Variants in CPVL observed in about 807,000 individuals in gnomAD.
CPVL encodes the protein probable serine carboxypeptidase CPVL.
In CPVL, 51 loss-of-function variants were observed where a neutral mutation model predicts 63.7. That is an observed-to-expected ratio of 0.80 (90% CI 0.64 to 1.01). The LOEUF (loss-of-function observed/expected upper bound fraction) is 1.01, where lower values mean the gene tolerates loss of function less well. CPVL is among the 50% of genes least tolerant of loss of function. CPVL has a pLI of 0.00. For missense variants in CPVL, 530 were observed against 573.1 expected (o/e 0.92, Z 0.77); for synonymous variants, 195 against 206.0 (o/e 0.95, Z 0.46).
intron 1 of CPVL, among the ~76,000 whole-genome samples, chr7:29,186,928 C>A (rs1228876070): frequency 6.6e-6 from 1 of 152,058 alleles, no homozygotes; most frequent in Admixed American, 6.6e-5. Flanking sequence ...AGTTGTTGAG[C>A]ATTTTAATTA....
Position 29,047,731 on chromosome 7 carries a change from A to G in CPVL, c.1137+16330T>C, listed in dbSNP as rs945087233. ...CACAAAAAGATCATCACCTAGTCAC[A>G]TTGTCCAATCAGGTTATCCAAAGTT... On this transcript the variant is annotated intron_variant, in intron 11 of 12. Coordinates refer to ENST00000265394, the MANE Select transcript of CPVL (RefSeq NM_031311.5). Among the ~76,000 whole-genome samples the G allele has an allele frequency of 4.6e-5, 7 of 152,206 alleles. No homozygotes were observed. The East Asian group carries it at 5.8e-4, about 13-fold the overall frequency.
chr7:29,155,266 C>T (rs141959273), intron 5 of CPVL, among the ~76,000 whole-genome samples: 2 of 152,124 alleles, frequency 1.3e-5, no homozygotes, highest in East Asian at 3.9e-4. Context: ...TCAGGGAAAA[C>T]AACTACATTT....
intron 3 of CPVL, 144 bp from the exon 4 acceptor site, chr7:29,096,361 T>C (rs1786400442): frequency 4.6e-6 from 3 of 654,942 alleles, no homozygotes; most frequent in South Asian, 3.5e-5. Flanking sequence ...CAGTAACCAC[T>C]CTCCACTATG....
rs1324702058 is a variant in CPVL, at chr7:29,071,762, C to T, written c.864+11G>A. ...ATTGCTCAAGGGCAGCACAGGGCCC[C>T]CAGAACTCACTTCAAAGGCCTCAAA... On this transcript the variant is annotated intron_variant, in intron 9 of 12. Transcript: ENST00000265394. 2 of 1,612,146 alleles carry T rather than the reference C, an allele frequency of 1.2e-6. No homozygotes were observed. Among genetic ancestry groups the T allele is most frequent in the South Asian group, 1.1e-5 (1 of 90,758 alleles).
chr7:29,052,003 CA>C (rs1562742337), intron 11 of CPVL, among the ~76,000 whole-genome samples: 1 of 151,244 alleles, frequency 6.6e-6, no homozygotes, highest in Non-Finnish European at 1.5e-5. Flanking sequence ...ACGGCATTTG[CA>C]GTGACCTGGA....
intron 3 of CPVL, among the ~76,000 whole-genome samples, chr7:29,112,011 A>G (rs1354199780): frequency 6.6e-6 from 1 of 152,258 alleles, no homozygotes; most frequent in African/African-American, 2.4e-5. Context: ...TGTCTTGTTC[A>G]TACAGAAGAA....
chr7:29,056,720 G>A (rs1790767963), intron 11 of CPVL, among the ~76,000 whole-genome samples: 1 of 152,090 alleles, frequency 6.6e-6, no homozygotes, highest in Non-Finnish European at 1.5e-5. Flanking sequence ...TGAATGGTAT[G>A]GTAAGAGTAT....
intron 1 of CPVL, chr7:29,194,783 A>G (rs1355416367): frequency 3.9e-6 from 2 of 512,870 alleles, no homozygotes; most frequent in Non-Finnish European, 6.3e-6. Context: ...CTGGTGGAGC[A>G]GGAAGTGCAG....
intron 3 of CPVL, among the ~76,000 whole-genome samples, chr7:29,103,802 T>C (rs1478410629): frequency 3.3e-5 from 5 of 152,196 alleles, no homozygotes; most frequent in Admixed American, 3.3e-4. Context: ...CTGCTTAAGA[T>C]GAGAAGTGCA....
intron 12 of CPVL, among the ~76,000 whole-genome samples, chr7:29,008,678 A>G: frequency 6.6e-6 from 1 of 152,204 alleles, no homozygotes; most frequent in East Asian, 1.9e-4. Flanking sequence ...TATGCCGAGC[A>G]CTAGGAAATG....
chr7:29,038,739 A>T (rs1788781659), intron 11 of CPVL, among the ~76,000 whole-genome samples: 1 of 152,212 alleles, frequency 6.6e-6, no homozygotes, highest in Non-Finnish European at 1.5e-5. Context: ...TACCTCTGTC[A>T]TGGGTAAAAA....
intron 11 of CPVL, among the ~76,000 whole-genome samples, chr7:29,047,808 T>C (rs1789770159): frequency 6.6e-6 from 1 of 152,122 alleles, no homozygotes; most frequent in Non-Finnish European, 1.5e-5. Context: ...CCAGGTAACC[T>C]ATAAAGGAAA....
chr7:29,182,269 C>T (rs1033846249), intron 4 of CPVL, among the ~76,000 whole-genome samples: 5 of 152,162 alleles, frequency 3.3e-5, no homozygotes, highest in African/African-American at 1.2e-4. Context: ...GGAAGGTTAG[C>T]AGTGGTGGAA....
In CPVL at chr7:29,112,557, C is replaced by T; in HGVS notation, c.288+147G>A. The T allele has an allele frequency of 8.8e-6, 5 of 570,244 alleles. No individual in the cohort carries two copies. The South Asian group carries it at 1.3e-4, about 14-fold the overall frequency. The allele number at this position is 570,244 out of a possible 1,614,324, so 35.3% of individuals were successfully genotyped here. A position where few individuals can be genotyped will look rare whatever the true frequency, so the allele number is the denominator to read the frequency against. ...TAAATAGGAACACCATGCAGGTTTG[C>T]TTATTTTTAGAAAAACAAAAATCTT... On this transcript the variant is annotated intron_variant, in intron 3 of 12. Coordinates refer to ENST00000265394, the MANE Select transcript of CPVL (RefSeq NM_031311.5).
At chr7:29,128,707 T>C (rs1790350966) in intron 1 of CPVL, among the ~76,000 whole-genome samples, 1 of 81,052 alleles carries the variant, frequency 1.2e-5, no homozygotes, top group South Asian at 5.8e-4. Flanking sequence ...AGAGTAAGAC[T>C]CTGTCTCAAA....
chr7:29,106,461 C>G (rs1239580602), intron 3 of CPVL, among the ~76,000 whole-genome samples: 1 of 152,022 alleles, frequency 6.6e-6, no homozygotes, highest in African/African-American at 2.4e-5. Flanking sequence ...GTCCCCACCC[C>G]CCACCTCAAC....
intron 1 of CPVL, among the ~76,000 whole-genome samples, chr7:29,138,693 C>T (rs79063714): frequency 0.028 from 4,285 of 152,188 alleles, 166 homozygotes; most frequent in African/African-American, 0.093. Flanking sequence ...TACCCAAGGC[C>T]ACTCTGCAGC....
At position 29,044,541 on chromosome 7, in the gene CPVL, G is replaced by GGATTCCCAGT. The variant is rs1340452561; in HGVS notation, c.1138-13792_1138-13783dup. ...GATGGTGGTGGGCACACACTGCTTT[G>GGATTCCCAGT]GATTCCCAGTGATTCCCAGTGGCCC... On this transcript the variant is annotated intron_variant, in intron 11 of 12. Coordinates refer to ENST00000265394, the MANE Select transcript of CPVL (RefSeq NM_031311.5). Among the ~76,000 whole-genome samples, 4 of 152,192 alleles carry GGATTCCCAGT rather than the reference G, an allele frequency of 2.6e-5. No individual in the cohort carries two copies. In the East Asian group the frequency reaches 7.7e-4, roughly 29 times the overall value.
At chr7:29,060,703 T>G (rs1180784105) in intron 11 of CPVL, among the ~76,000 whole-genome samples, 1 of 152,184 alleles carries the variant, frequency 6.6e-6, no homozygotes, top group African/African-American at 2.4e-5. Context: ...CATGAAAACG[T>G]AATTCCAGAA....
Sources: gnomAD v4.1 joint callset for allele counts (sites outside exome capture counted in the v4.1 genomes callset) on GRCh38, gnomAD v4.1.1 for gene constraint, MANE v1.5 for transcripts, NCBI Gene and HGNC (gene_info 2026-07-23, HGNC 2026-07-21) for gene names.